The following RPRD1B variants were observed in gnomAD, a reference collection of about 807,000 sequenced individuals.
RPRD1B encodes the protein regulation of nuclear pre-mRNA domain-containing protein 1B.
A neutral mutation model predicts 41.5 loss-of-function variants in RPRD1B; 11 were observed. The ratio of observed to expected loss-of-function variants is 0.27; its 90% confidence interval spans 0.17 to 0.44. The LOEUF is 0.44. RPRD1B is among the 20% of genes least tolerant of loss of function. The pLI, the probability that RPRD1B is intolerant of heterozygous loss-of-function variation, is 1.00. For synonymous variants in RPRD1B, 158 were observed against 155.6 expected (o/e 1.02, Z -0.12); for missense variants, 248 against 389.9 (o/e 0.64, Z 3.06).
intron 6 of RPRD1B, among the ~76,000 whole-genome samples, chr20:38,068,951 A>T (rs1314641101): frequency 6.6e-6 from 1 of 152,172 alleles, no homozygotes; most frequent in East Asian, 1.9e-4. Context: ...CCGTTTTAAA[A>T]CTTCCAAATC....
chr20:38,072,241 T>C (rs898775183), intron 6 of RPRD1B, among the ~76,000 whole-genome samples: 3 of 152,190 alleles, frequency 2.0e-5, no homozygotes, highest in Admixed American at 6.5e-5. Flanking sequence ...CCTGTAGATA[T>C]CCATTTGTCC....
intron 3 of RPRD1B, 63 bp downstream of exon 3, chr20:38,048,544 AAG>A: frequency 6.5e-7 from 1 of 1,548,372 alleles, no homozygotes; most frequent in East Asian, 2.3e-5. Flanking sequence ...CAAATATGAA[AAG>A]CTGCAGTGGG....
intron 6 of RPRD1B, among the ~76,000 whole-genome samples, chr20:38,083,009 CT>C (rs1254971577): frequency 2.0e-5 from 3 of 152,144 alleles, no homozygotes; most frequent in African/African-American, 7.2e-5. Context: ...CCTTTCTACC[CT>C]TTGTTTCTCA....
rs980475478 is a variant in RPRD1B, at chr20:38,088,558, G to A, written c.832-1168G>A. 3.9e-5 allele frequency among the ~76,000 whole-genome samples: 6 copies of A among 152,224 alleles called. No homozygotes were observed. In the South Asian group the frequency reaches 6.2e-4, roughly 16 times the overall value. On this transcript the variant is annotated intron_variant, in intron 6 of 6. Transcript: ENST00000373433. ...CTACTTACCCTTGCAGAGACACTGA[G>A]AGGACAAAAACTAAGCCCCAAGGGG...
intron 3 of RPRD1B, among the ~76,000 whole-genome samples, chr20:38,052,765 T>G (rs927468217): frequency 6.0e-5 from 9 of 149,204 alleles, no homozygotes; most frequent in Admixed American, 2.0e-4. Context: ...TTTTTTTTTT[T>G]TTTTTTTTTT....
At chr20:38,061,717 G>T (rs896514358) in intron 5 of RPRD1B, among the ~76,000 whole-genome samples, 1 of 152,262 alleles carries the variant, frequency 6.6e-6, no homozygotes, top group South Asian at 2.1e-4. Context: ...CCCAGTTGCT[G>T]ATGACTTCCT....
rs116096036 is a variant in RPRD1B, at chr20:38,059,609, A to G, written c.655+89A>G. On this transcript the variant is annotated intron_variant, in intron 5 of 6. Coordinates refer to ENST00000373433, the MANE Select transcript of RPRD1B (RefSeq NM_021215.4). ...TAGGCCATACTTAACGTCTGCAGGT[A>G]TAGACTACTTTCCATGTTGTATTGG... 3.0e-4 allele frequency: 376 copies of G among 1,267,514 alleles called. 2 individuals are homozygous for G. The African/African-American group carries it at 5.1e-3, about 17-fold the overall frequency. The allele number at this position is 1,267,514 out of a possible 1,614,324, so 78.5% of individuals were successfully genotyped here. A position where few individuals can be genotyped will look rare whatever the true frequency, so the allele number is the denominator to read the frequency against.
intron 1 of RPRD1B, among the ~76,000 whole-genome samples, chr20:38,039,070 T>C (rs569050376): frequency 6.6e-6 from 1 of 152,342 alleles, no homozygotes; most frequent in Non-Finnish European, 1.5e-5. Flanking sequence ...AGAAATTATG[T>C]GCATAGAAGC....
intron 5 of RPRD1B, among the ~76,000 whole-genome samples, chr20:38,063,814 G>A (rs1015438342): frequency 6.6e-6 from 1 of 152,178 alleles, no homozygotes; most frequent in Non-Finnish European, 1.5e-5. Flanking sequence ...GGACAGCGTG[G>A]GTAGGTCCCC....
intron 6 of RPRD1B, among the ~76,000 whole-genome samples, chr20:38,068,903 C>T (rs2074384752): frequency 6.6e-6 from 1 of 152,144 alleles, no homozygotes; most frequent in Non-Finnish European, 1.5e-5. Flanking sequence ...ATAAAGTTTA[C>T]CCACTTTTTT....
At chr20:38,065,162 GGAA>G (rs2122735290) in intron 5 of RPRD1B, among the ~76,000 whole-genome samples, 1 of 152,240 alleles carries the variant, frequency 6.6e-6, no homozygotes, top group East Asian at 1.9e-4. Context: ...GTCAAATGTA[GGAA>G]GAAGTTCATC....
chr20:38,083,362 T>A (rs1854468283), intron 6 of RPRD1B, among the ~76,000 whole-genome samples: 1 of 152,262 alleles, frequency 6.6e-6, no homozygotes, highest in Non-Finnish European at 1.5e-5. Context: ...TGAGCATCTG[T>A]TAAATTGAAA....
intron 6 of RPRD1B, among the ~76,000 whole-genome samples, chr20:38,077,543 C>T (rs1403293353): frequency 6.6e-6 from 1 of 152,078 alleles, no homozygotes; most frequent in African/African-American, 2.4e-5. Flanking sequence ...TCCCTCAGTT[C>T]CTCTGCTATG....
intron 3 of RPRD1B, chr20:38,049,795 C>G: frequency 2.1e-6 from 1 of 471,170 alleles, no homozygotes; most frequent in Non-Finnish European, 4.4e-6. Context: ...ATACATGTTT[C>G]CTGGAGGATC....
At position 38,091,508 on chromosome 20, in the gene RPRD1B, G is replaced by T. The variant is rs2074611581; in HGVS notation, c.*1633G>T. 2 of 985,380 alleles carry T rather than the reference G, an allele frequency of 2.0e-6. No homozygotes were observed. The highest frequency in any genetic ancestry group is 1.7e-5 in the African/African-American group (1 of 57,314). The allele number at this position is 985,380 out of a possible 1,614,324, so 61.0% of individuals were successfully genotyped here. On this transcript the variant is annotated 3_prime_UTR_variant, in exon 7 of 7. Coordinates refer to ENST00000373433, the MANE Select transcript of RPRD1B (RefSeq NM_021215.4). ...TGTGTGTTGTTTGCTTATGGACACT[G>T]CCTGTCGTTCTGTCACTGTTAAATT...
intron 5 of RPRD1B, among the ~76,000 whole-genome samples, chr20:38,061,531 A>T (rs1336534948): frequency 6.6e-6 from 1 of 152,024 alleles, no homozygotes; most frequent in African/African-American, 2.4e-5. Context: ...TGCATTCTCC[A>T]TTTTTTACTC....
At chr20:38,036,164 C>T (rs547736352) in intron 1 of RPRD1B, among the ~76,000 whole-genome samples, 1 of 152,170 alleles carries the variant, frequency 6.6e-6, no homozygotes, top group Admixed American at 6.5e-5. Context: ...TATGAAGCTC[C>T]GTTATCCCTA....
chr20:38,076,351 C>A (rs2074459514), intron 6 of RPRD1B, among the ~76,000 whole-genome samples: 1 of 152,218 alleles, frequency 6.6e-6, no homozygotes, highest in African/African-American at 2.4e-5. Flanking sequence ...AACACCTTAA[C>A]TAATCTGAAG....
intron 2 of RPRD1B, among the ~76,000 whole-genome samples, chr20:38,041,476 A>G (rs1019906856): frequency 9.8e-5 from 15 of 152,358 alleles, no homozygotes; most frequent in African/African-American, 3.6e-4. Flanking sequence ...CTTTCTAGAG[A>G]TGAAAAAGAT....
Sources: allele counts gnomAD v4.1 joint callset (sites outside exome capture counted in the v4.1 genomes callset), GRCh38; gene constraint gnomAD v4.1.1; transcripts MANE v1.5; gene names NCBI Gene and HGNC (gene_info 2026-07-23, HGNC 2026-07-21).